ESR1: variants seen among roughly 807,000 people sequenced by gnomAD.
The protein encoded by ESR1 is estrogen receptor.
In ESR1, 12 loss-of-function variants were observed where a neutral mutation model predicts 52.7. The ratio of observed to expected loss-of-function variants is 0.23; its 90% CI spans 0.15 to 0.37. The LOEUF is 0.37. ESR1 is among the 10% of genes least tolerant of loss of function. The pLI is 1.00. For synonymous variants in ESR1, 305 were observed against 316.8 expected (o/e 0.96, Z 0.39); for missense variants, 584 against 779.7 (o/e 0.75, Z 2.99).
chr6:151,866,041 C>T (rs1002854521), intron 2 of ESR1, among the ~76,000 whole-genome samples: 1 of 152,202 alleles, frequency 6.6e-6, no homozygotes, highest in African/African-American at 2.4e-5. Flanking sequence ...AAAACCACTC[C>T]TGCTTTTGTT....
chr6:151,970,715 T>C (rs2038814869), intron 4 of ESR1, among the ~76,000 whole-genome samples: 1 of 152,158 alleles, frequency 6.6e-6, no homozygotes, highest in African/African-American at 2.4e-5. Flanking sequence ...CTCTTCTCGG[T>C]TTAGCACAGA....
rs532433040 is a variant in ESR1, at chr6:152,042,148, G to A, written c.1236-18843G>A. 1.1e-4 allele frequency among the ~76,000 whole-genome samples: 16 copies of A among 152,274 alleles called. No homozygotes were observed. The East Asian group carries it at 2.7e-3, about 26-fold the overall frequency. On this transcript the variant is annotated intron_variant, in intron 5 of 7. Coordinates refer to ENST00000206249, the MANE Select transcript of ESR1 (RefSeq NM_000125.4). Reference sequence around the variant, plus strand: ...TGATTTACTATTTTTCTAGGTAGAGGCAGCTGTAATGGCTTCCATTTGGCC... The same window carrying A: ...TGATTTACTATTTTTCTAGGTAGAGACAGCTGTAATGGCTTCCATTTGGCC...
chr6:151,716,223 CCACCA>C (rs1781022121), intron 2 of ESR1, among the ~76,000 whole-genome samples: 4 of 152,126 alleles, frequency 2.6e-5, no homozygotes, highest in African/African-American at 9.7e-5. Flanking sequence ...AGAGGGGCAC[CCACCA>C]GATGCCAGCC....
chr6:151,916,401 C>T (rs1242858364), intron 3 of ESR1, among the ~76,000 whole-genome samples: 2 of 152,142 alleles, frequency 1.3e-5, no homozygotes, highest in African/African-American at 2.4e-5. Context: ...TGACAAGACA[C>T]AGAGTTAAGT....
intron 6 of ESR1, among the ~76,000 whole-genome samples, chr6:152,119,945 G>A (rs762355739): frequency 6.6e-6 from 1 of 152,184 alleles, no homozygotes; most frequent in Non-Finnish European, 1.5e-5. Context: ...AGGTTCTGTT[G>A]TTTAAATCTT....
intron 3 of ESR1, among the ~76,000 whole-genome samples, chr6:151,899,801 C>G (rs1482206545): frequency 6.7e-6 from 1 of 148,704 alleles, no homozygotes; most frequent in Non-Finnish European, 1.5e-5. Flanking sequence ...AGACGATGGG[C>G]GGCAGGGCAG....
chr6:151,683,297 G>A (rs1778527033), intron 1 of ESR1, among the ~76,000 whole-genome samples: 2 of 152,106 alleles, frequency 1.3e-5, no homozygotes, highest in African/African-American at 4.8e-5. Flanking sequence ...TGGGGACTGA[G>A]GCTGCTCAGT....
chr6:151,886,925 C>A (rs1793946955), intron 3 of ESR1, among the ~76,000 whole-genome samples: 1 of 151,784 alleles, frequency 6.6e-6, no homozygotes, highest in Admixed American at 6.6e-5. Flanking sequence ...CCTGTAATCC[C>A]AGCTATTTGG....
At chr6:152,010,533 G>A (rs2042680856) in intron 4 of ESR1, among the ~76,000 whole-genome samples, 1 of 152,034 alleles carries the variant, frequency 6.6e-6, no homozygotes, top group Non-Finnish European at 1.5e-5. Flanking sequence ...ATAGGGGGCT[G>A]ATTTGGAAGG....
chr6:151,882,325 G>A (rs911819371), intron 3 of ESR1, among the ~76,000 whole-genome samples: 8 of 152,126 alleles, frequency 5.3e-5, no homozygotes, highest in African/African-American at 1.4e-4. Context: ...TTGAATTTAC[G>A]CATTCTGTGA....
chr6:151,788,560 T>C (rs1170289374), intron 2 of ESR1, among the ~76,000 whole-genome samples: 1 of 152,212 alleles, frequency 6.6e-6, no homozygotes, highest in Non-Finnish European at 1.5e-5. Context: ...CTCAAAGACC[T>C]AAAAATACAA....
intron 1 of ESR1, among the ~76,000 whole-genome samples, chr6:151,698,621 C>G (rs1779545569): frequency 6.6e-6 from 1 of 151,988 alleles, no homozygotes; most frequent in Non-Finnish European, 1.5e-5. Flanking sequence ...TCCTCTTTTT[C>G]CTTCTCTTCC....
chr6:151,823,368 A>G (rs1562443927), intron 1 of ESR1, among the ~76,000 whole-genome samples: 2 of 152,200 alleles, frequency 1.3e-5, no homozygotes, highest in African/African-American at 2.4e-5. Context: ...TTAAACCTAC[A>G]ATGACATTGC....
intron 3 of ESR1, among the ~76,000 whole-genome samples, chr6:151,938,072 C>G (rs915707448): frequency 3.3e-5 from 5 of 152,230 alleles, no homozygotes; most frequent in Admixed American, 6.5e-5. Flanking sequence ...TAGTGTATTT[C>G]TTTGTCTTGC....
chr6:152,044,395 A>G (rs1346699874), intron 5 of ESR1, among the ~76,000 whole-genome samples: 2 of 152,200 alleles, frequency 1.3e-5, no homozygotes, highest in East Asian at 3.9e-4. Flanking sequence ...AATCTGTATT[A>G]GTCAGGATTC....
In ESR1 at chr6:151,986,392, CT is replaced by C. The variant is rs141359469; in HGVS notation, c.1097-25261del. Among the ~76,000 whole-genome samples the C allele has an allele frequency of 6.3e-3, 960 of 152,230 alleles. 18 individuals are homozygous for C. Among genetic ancestry groups the C allele is most frequent in the African/African-American group, 0.022 (931 of 41,490 alleles). ...TCACTTAGTGGAGAAACAGCTCTCA[CT>C]TTCCTCCTCCCCAGATACAACCATT... On this transcript the variant is annotated intron_variant, in intron 4 of 7. Coordinates refer to ENST00000206249, the MANE Select transcript of ESR1 (RefSeq NM_000125.4).
At chr6:151,675,190 G>A (rs1778209851) in intron 1 of ESR1, among the ~76,000 whole-genome samples, 1 of 152,174 alleles carries the variant, frequency 6.6e-6, no homozygotes, top group Non-Finnish European at 1.5e-5. Context: ...CTAGTGCACT[G>A]AGTGAATGTA....
intron 2 of ESR1, among the ~76,000 whole-genome samples, chr6:151,714,542 T>C (rs191638876): frequency 6.6e-5 from 10 of 152,330 alleles, no homozygotes; most frequent in Admixed American, 5.9e-4. Flanking sequence ...CATATATATT[T>C]AGGATAGTTA....
intron 5 of ESR1, among the ~76,000 whole-genome samples, chr6:152,056,834 C>T (rs773911929): frequency 6.6e-6 from 1 of 152,178 alleles, no homozygotes; most frequent in Non-Finnish European, 1.5e-5. Flanking sequence ...TACTCCTGAT[C>T]TATGACTGGA....
Sources: allele counts gnomAD v4.1 joint callset (sites outside exome capture counted in the v4.1 genomes callset), GRCh38; gene constraint gnomAD v4.1.1; transcripts MANE v1.5; gene names NCBI Gene and HGNC (gene_info 2026-07-23, HGNC 2026-07-21).